DPH6: variants seen among roughly 807,000 people sequenced by gnomAD.
DPH6 encodes the protein diphthine--ammonia ligase.
DPH6 carries 33 observed loss-of-function variants against 38.2 expected under a neutral mutation model. That is an observed-to-expected ratio of 0.86 (90% CI 0.65 to 1.15). DPH6 has a LOEUF of 1.15. DPH6 is among the 50% of genes most tolerant of loss of function. The pLI is 0.00. For missense variants in DPH6, 325 were observed against 320.0 expected (o/e 1.02, Z -0.12); for synonymous variants, 108 against 103.0 (o/e 1.05, Z -0.30).
chr15:35,498,723 C>T (rs1302300294), intron 3 of DPH6, among the ~76,000 whole-genome samples: 1 of 152,068 alleles, frequency 6.6e-6, no homozygotes, highest in Non-Finnish European at 1.5e-5. Flanking sequence ...TTTTACCAAT[C>T]CAAATAATGC....
At chr15:35,394,484 GCA>G (rs559385946) in intron 6 of DPH6, among the ~76,000 whole-genome samples, 132 of 152,284 alleles carry the variant, frequency 8.7e-4, no homozygotes, top group African/African-American at 2.9e-3. Context: ...AAAGCACTTA[GCA>G]CAGTGTACAG....
chr15:35,275,446 C>T (rs957715961), intron 3 of DPH6, among the ~76,000 whole-genome samples: 3 of 152,076 alleles, frequency 2.0e-5, no homozygotes, highest in African/African-American at 7.2e-5. Context: ...CAAACTAACA[C>T]AGGAACAGAA....
the DPH6 span, among the ~76,000 whole-genome samples, chr15:35,172,952 G>A: frequency 6.6e-6 from 1 of 152,102 alleles, no homozygotes; most frequent in East Asian, 1.9e-4. Flanking sequence ...ACCATGTCCC[G>A]CTACTTTTGC....
chr15:35,193,795 C>G, the DPH6 span, among the ~76,000 whole-genome samples: 1 of 152,008 alleles, frequency 6.6e-6, no homozygotes, highest in Non-Finnish European at 1.5e-5. Flanking sequence ...CAATACTAAA[C>G]CAATATGTGA....
intron 3 of DPH6, among the ~76,000 whole-genome samples, chr15:35,227,344 C>T (rs867852648): frequency 3.3e-5 from 5 of 151,696 alleles, no homozygotes; most frequent in African/African-American, 7.2e-5. Context: ...CCACCACACC[C>T]GGCTAATTTT....
At position 35,544,214 on chromosome 15, in the gene DPH6, TA is replaced by T. The variant is rs532864514; in HGVS notation, c.24-1708del. Among the ~76,000 whole-genome samples, 459 of 152,316 alleles carry T rather than the reference TA, an allele frequency of 3.0e-3. 4 individuals are homozygous for T. Among genetic ancestry groups the T allele is most frequent in the Admixed American group, 8.4e-3 (128 of 15,296 alleles). ...TAGGTTTGCATACTTCATTGCAAAT[TA>T]ATGAATGGTCTGCCTGGATAATCCT... is the stretch of plus-strand genomic sequence containing the variant. On this transcript the variant is annotated intron_variant, in intron 1 of 8. Transcript: ENST00000256538.
rs760144861 is a variant in DPH6, at chr15:35,450,805, T to C, written c.387-2A>G. 6.3e-7 allele frequency: 1 copy of C among 1,586,912 alleles called. No homozygotes were observed. Among genetic ancestry groups the C allele is most frequent in the Non-Finnish European group, 8.6e-7 (1 of 1,168,288 alleles). ...GGCTGGAGATTAAGCCTTTTACACC[T>C]ACAAAAGAAAAAGAAAAAGAAAGTC... On this transcript the variant is annotated splice_acceptor_variant, in intron 4 of 8. Transcript: ENST00000256538. LOFTEE classifies it high-confidence loss of function.
chr15:35,401,294 A>T lies in DPH6; in HGVS notation c.567+9541T>A, dbSNP rs2053215688. The T allele has an allele frequency of 2.5e-5, 22 of 867,210 alleles. No individual in the cohort carries two copies. The South Asian group carries it at 2.9e-4, about 11-fold the overall frequency. 53.7% of individuals were successfully genotyped at this position (867,210 alleles called of 1,614,324 possible). A position where few individuals can be genotyped will look rare whatever the true frequency, so the allele number is the denominator to read the frequency against. On this transcript the variant is annotated intron_variant, in intron 6 of 8. Transcript: ENST00000256538. ...GGAGACAGTTTCGGTGGGAATGACAACTTTGGTAGTGGAGGAAACTTCAGT... is the reference window on the plus strand; with the variant it reads ...GGAGACAGTTTCGGTGGGAATGACATCTTTGGTAGTGGAGGAAACTTCAGT...
chr15:35,499,279 C>G (rs1330243919), intron 3 of DPH6, among the ~76,000 whole-genome samples: 2 of 152,264 alleles, frequency 1.3e-5, no homozygotes, highest in East Asian at 3.9e-4. Context: ...ATTCTAAGGT[C>G]AGGACTTTCA....
chr15:35,536,674 A>G (rs1332561484), intron 3 of DPH6, among the ~76,000 whole-genome samples: 1 of 152,030 alleles, frequency 6.6e-6, no homozygotes, highest in Non-Finnish European at 1.5e-5. Context: ...TTTTTAAGCA[A>G]CCCAATTACT....
chr15:35,238,776 G>A (rs1254282246), intron 3 of DPH6, among the ~76,000 whole-genome samples: 1 of 151,890 alleles, frequency 6.6e-6, no homozygotes, highest in Non-Finnish European at 1.5e-5. Context: ...ATTGTGATGT[G>A]TTCCTGCCCC....
rs932578419 is a variant in DPH6, at chr15:35,241,284, C to A, written n.201-20702G>T. Among the ~76,000 whole-genome samples the A allele has an allele frequency of 3.1e-4, 44 of 143,092 alleles. 2 individuals carry two copies. Among genetic ancestry groups the A allele is most frequent in the African/African-American group, 9.4e-4 (37 of 39,480 alleles). 93.9% of individuals were successfully genotyped at this position (143,092 alleles called of 152,430 possible). On this transcript the variant is annotated intron_variant and non_coding_transcript_variant, in intron 3 of 3. Coordinates refer to the DPH6 transcript ENST00000560386. ...TCGCCTCGGAAGCCCCCTAGACCAT[C>A]ACGGACGCCGAGCTTTGGGTAACTC...
intron 3 of DPH6, among the ~76,000 whole-genome samples, chr15:35,458,913 G>A (rs753219279): frequency 6.6e-6 from 1 of 152,110 alleles, no homozygotes; most frequent in African/African-American, 2.4e-5. Context: ...AACAGTTCCC[G>A]TGCCCCTTGC....
chr15:35,372,340 C>T, intron 8 of DPH6, 137 bp from the exon 9 acceptor site: 1 of 718,092 alleles, frequency 1.4e-6, no homozygotes, highest in Non-Finnish European at 2.0e-6. Flanking sequence ...AACAGTATTG[C>T]TTCTTTGAGG....
chr15:35,349,660 C>A (rs2052493285), intron 3 of DPH6, among the ~76,000 whole-genome samples: 1 of 152,152 alleles, frequency 6.6e-6, no homozygotes, highest in African/African-American at 2.4e-5. Flanking sequence ...GTCTTGAACT[C>A]CTGACCTCAA....
At chr15:35,326,749 A>G (rs190613529), downstream of DPH6, among the ~76,000 whole-genome samples, 33 of 152,266 alleles carry the variant, frequency 2.2e-4, no homozygotes, top group Admixed American at 2.6e-4. Flanking sequence ...AAGTAGTCTT[A>G]TAAGTGACAA....
chr15:35,251,038 C>T (rs2051670216), intron 3 of DPH6, among the ~76,000 whole-genome samples: 1 of 152,194 alleles, frequency 6.6e-6, no homozygotes, highest in African/African-American at 2.4e-5. Flanking sequence ...TGTTATAAAA[C>T]TGCTGGCAGG....
At position 35,275,753 on chromosome 15, in the gene DPH6, T is replaced by G. The variant is rs149261962; in HGVS notation, n.201-55171A>C. Among the ~76,000 whole-genome samples the G allele has an allele frequency of 2.6e-3, 390 of 152,156 alleles. 2 individuals are homozygous for G. The highest frequency in any genetic ancestry group is 8.9e-3 in the African/African-American group (368 of 41,518). On this transcript the variant is annotated intron_variant and non_coding_transcript_variant, in intron 3 of 3. Coordinates refer to the DPH6 transcript ENST00000560386. ...ATAATAATATTAGTCTTCAATCTCA[T>G]CCAGGTGACTGCAAATGTCATTACT...
chr15:35,522,702 C>A (rs976793805), intron 3 of DPH6, among the ~76,000 whole-genome samples: 3 of 151,956 alleles, frequency 2.0e-5, no homozygotes, highest in African/African-American at 7.2e-5. Context: ...AAATCTTCAA[C>A]AAGGAAGCTT....
Sources: gnomAD v4.1 joint callset for allele counts (sites outside exome capture counted in the v4.1 genomes callset) on GRCh38, gnomAD v4.1.1 for gene constraint, MANE v1.5 for transcripts, NCBI Gene and HGNC (gene_info 2026-07-23, HGNC 2026-07-21) for gene names.